ZNF777: variants seen among roughly 807,000 people sequenced by gnomAD.
The protein encoded by ZNF777 is zinc finger protein 777.
A neutral mutation model predicts 72.1 loss-of-function variants in ZNF777; 7 were observed. The ratio of observed to expected loss-of-function variants is 0.10; its 90% CI spans 0.06 to 0.18. ZNF777 has a LOEUF of 0.18. ZNF777 is among the 10% of genes least tolerant of loss of function. ZNF777 has a pLI of 1.00. For synonymous variants in ZNF777, 545 were observed against 483.5 expected (o/e 1.13, Z -1.67); for missense variants, 828 against 1,128.6 (o/e 0.73, Z 3.82).
chr7:149,450,529 T>C (rs1799693421), intron 4 of ZNF777, among the ~76,000 whole-genome samples: 1 of 152,210 alleles, frequency 6.6e-6, no homozygotes, highest in Admixed American at 6.5e-5. Flanking sequence ...CTGGTCAGTC[T>C]CGCTGGGTGC....
At chr7:149,433,069 C>T (rs1251266607) in intron 5 of ZNF777, 137 bp from the exon 6 acceptor site, 2 of 1,337,002 alleles carry the variant, frequency 1.5e-6, no homozygotes, top group South Asian at 1.8e-5. Flanking sequence ...GGGAAAAGTC[C>T]CCTCATTGCG....
At chr7:149,438,159 G>A (rs143299149) in intron 4 of ZNF777, among the ~76,000 whole-genome samples, 5,461 of 151,964 alleles carry the variant, frequency 0.036, 236 homozygotes, top group African/African-American at 0.096. Context: ...GATTACAGGC[G>A]TGAATTTTTT....
intron 3 of ZNF777, among the ~76,000 whole-genome samples, chr7:149,452,564 C>T (rs1376746345): frequency 6.8e-6 from 1 of 147,084 alleles, no homozygotes; most frequent in Admixed American, 6.8e-5. Flanking sequence ...ACCTGGGAGG[C>T]GGAGCTTGCA....
chr7:149,459,254 A>C (rs550610512), intron 1 of ZNF777, among the ~76,000 whole-genome samples: 76 of 152,198 alleles, frequency 5.0e-4, no homozygotes, highest in Non-Finnish European at 9.7e-4. Flanking sequence ...TAATCCTCTC[A>C]CTAGCACGGC....
rs1421672629 is a variant in ZNF777, at chr7:149,455,903, G to C, written c.120C>G (p.Pro40=). ...ETLFQSRVLP[P]KEIPSLSPTI... is the part of the protein sequence containing the mutation. ...TGGGAGACAAAGAAGGAATTTCTTTGGGAGGAAGAACGCGGGATTGGAACA... is the reference window on the plus strand; with the variant it reads ...TGGGAGACAAAGAAGGAATTTCTTTCGGAGGAAGAACGCGGGATTGGAACA... The change falls in exon 2 of 6, where the codon CCC becomes CCG. Residue 40 remains proline (P), a synonymous_variant. Coordinates refer to ENST00000247930, the MANE Select transcript of ZNF777 (RefSeq NM_015694.3). The surrounding 1 kb of genome is among the most constrained non-coding windows in gnomAD (Gnocchi z 4.2). 6.2e-7 allele frequency: 1 copy of C among 1,613,912 alleles called. No individual in the cohort carries two copies. Among genetic ancestry groups the C allele is most frequent in the Non-Finnish European group, 8.5e-7 (1 of 1,179,996 alleles).
At chr7:149,459,608 C>T (rs1799904950) in intron 1 of ZNF777, 1 of 982,246 alleles carries the variant, frequency 1.0e-6, no homozygotes, top group Admixed American at 6.2e-5. Context: ...GGCCCGCAGC[C>T]CTCTGGGCAG....
At chr7:149,437,393 G>C (rs148389908) in intron 4 of ZNF777, among the ~76,000 whole-genome samples, 532 of 152,272 alleles carry the variant, frequency 3.5e-3, no homozygotes, top group African/African-American at 0.012. Context: ...ATGAAGAAAA[G>C]GCTACCTCCT....
rs1351675498 is a variant in ZNF777, at chr7:149,448,510, T to TATATATATATATATATATAA, written c.1087+2488_1087+2489insTTATATATATATATATATAT. On this transcript the variant is annotated intron_variant, in intron 4 of 5. Transcript: ENST00000247930. Reference sequence around the variant, plus strand: ...CTATATATATATATATATATATATATAACTATATATAGTTATACATATAGT... The same window carrying TATATATATATATATATATAA: ...CTATATATATATATATATATATATATATATATATATATATATATAAAACTATATATAGTTATACATATAGT... Among the ~76,000 whole-genome samples, 195 of 122,288 alleles carry TATATATATATATATATATAA rather than the reference T, an allele frequency of 1.6e-3. 6 individuals are homozygous for TATATATATATATATATATAA. Among genetic ancestry groups the TATATATATATATATATATAA allele is most frequent in the African/African-American group, 4.3e-3 (113 of 26,326 alleles). 80.2% of individuals were successfully genotyped at this position (122,288 alleles called of 152,430 possible). A position where few individuals can be genotyped will look rare whatever the true frequency, so the allele number is the denominator to read the frequency against.
chr7:149,451,678 T>C (rs1009044540), intron 3 of ZNF777, among the ~76,000 whole-genome samples: 4 of 151,068 alleles, frequency 2.6e-5, no homozygotes, highest in Non-Finnish European at 5.9e-5. Context: ...GCAACAAGAG[T>C]GAAACTCCGT....
Position 149,432,279 on chromosome 7 carries a change from T to C in ZNF777, c.1993A>G (p.Thr665Ala). 1 of 1,599,280 alleles carries C rather than the reference T, an allele frequency of 6.3e-7. No individual in the cohort carries two copies. The highest frequency in any genetic ancestry group is 1.1e-5 in the South Asian group (1 of 90,182). ...QITHTGERPY[T>A]CPECKKSFRL... ...AAGCTCTTCTTGCACTCGGGGCACG[T>C]GTAGGGCCGCTCACCCGTGTGCGTG... The change falls in exon 6 of 6, where the codon ACG (threonine) becomes GCG (alanine). Residue 665 changes from threonine (T) to alanine (A), a missense_variant. Transcript: ENST00000247930.
intron 4 of ZNF777, among the ~76,000 whole-genome samples, chr7:149,448,457 G>A (rs557764999): frequency 7.8e-6 from 1 of 128,644 alleles, no homozygotes; most frequent in East Asian, 2.0e-4. Flanking sequence ...GCAACAAAGT[G>A]AGGCTCCATC....
At position 149,455,413 on chromosome 7, in the gene ZNF777, T is replaced by C; in HGVS notation, c.610A>G (p.Met204Val). ...CTGCCTTCCAGGGTCAGTAGCCTCA[T>C]GGCCTGGGCCTCCAGCTTCCTCTCC... ...AVERKLEAQA[M>V]RLLTLEGRTG... is the part of the protein sequence containing the mutation. The change falls in exon 2 of 6, where the codon ATG becomes GTG. Residue 204 changes from methionine (M) to valine (V), a missense_variant. By Grantham distance (21) the Met-to-Val change is conservative. Coordinates refer to ENST00000247930, the MANE Select transcript of ZNF777 (RefSeq NM_015694.3). This position sits in a 1 kb window ranked among gnomAD's most constrained non-coding sequence, Gnocchi z 4.2. 2 of 1,614,218 alleles carry C rather than the reference T, an allele frequency of 1.2e-6. No homozygotes were observed. Among genetic ancestry groups the C allele is most frequent in the South Asian group, 1.1e-5 (1 of 91,086 alleles).
At position 149,432,653 on chromosome 7, in the gene ZNF777, C is replaced by G. The variant is rs770572239; in HGVS notation, c.1619G>C (p.Arg540Pro). 5.6e-6 allele frequency: 9 copies of G among 1,613,582 alleles called. No individual in the cohort carries two copies. Among genetic ancestry groups the G allele is most frequent in the Non-Finnish European group, 7.6e-6 (9 of 1,179,772 alleles). ...GCATGTGAAGGGCCGCTCGCCGCGC[C>G]GGTTCCGCTGCTGCTGGCTCGAGGC... Reference protein sequence around the residue: ...RGASSQQQRNRRGERPFTCME... With the variant: ...RGASSQQQRNPRGERPFTCME... The change falls in exon 6 of 6, where the codon CGG becomes CCG. Residue 540 changes from arginine to proline, a missense_variant. Transcript: ENST00000247930.
chr7:149,443,677 G>A (rs898276718), intron 4 of ZNF777, among the ~76,000 whole-genome samples: 12 of 152,204 alleles, frequency 7.9e-5, no homozygotes, highest in Admixed American at 2.0e-4. Context: ...CCACCCCTTG[G>A]ATTCAAGTGA....
At chr7:149,434,312 C>T (rs1799375851) in intron 5 of ZNF777, among the ~76,000 whole-genome samples, 1 of 152,196 alleles carries the variant, frequency 6.6e-6, no homozygotes, top group Non-Finnish European at 1.5e-5. Context: ...GCCTCCTCTA[C>T]AGCCAGTGAA....
At chr7:149,448,772 C>T (rs1450082438) in intron 4 of ZNF777, among the ~76,000 whole-genome samples, 3 of 151,822 alleles carry the variant, frequency 2.0e-5, no homozygotes, top group African/African-American at 7.3e-5. Context: ...GAAGATGGTG[C>T]CTGGCTTCTC....
intron 1 of ZNF777, among the ~76,000 whole-genome samples, chr7:149,457,967 T>A (rs1196827205): frequency 6.6e-6 from 1 of 152,148 alleles, no homozygotes; most frequent in Admixed American, 6.6e-5. Context: ...GCCTTAACTG[T>A]CAACTGAGGC....
chr7:149,459,974 C>CG, intron 1 of ZNF777: 6 of 925,108 alleles, frequency 6.5e-6, no homozygotes, highest in South Asian at 5.0e-5. Context: ...ACGCGCGGGC[C>CG]CCCTCCAGGG....
chr7:149,455,800 G>A lies in ZNF777; in HGVS notation c.223C>T (p.Leu75Phe). The change falls in exon 2 of 6, where the codon CTC becomes TTC. Residue 75 changes from leucine to phenylalanine, a missense_variant. Physicochemically the swap from Leu to Phe is conservative, Grantham distance 22 (BLOSUM62 0). Coordinates refer to ENST00000247930, the MANE Select transcript of ZNF777 (RefSeq NM_015694.3). This position sits in a 1 kb window ranked among gnomAD's most constrained non-coding sequence, Gnocchi z 4.2. ...QETSGRMPHVLQKGPSLLCSA... is the reference protein window; with the variant it reads ...QETSGRMPHVFQKGPSLLCSA... ...CACAGGAGTGAGGGTCCCTTCTGGA[G>A]CACATGTGGCATCCGGCCAGAAGTC... 1 of 1,612,464 alleles carries A rather than the reference G, an allele frequency of 6.2e-7. No homozygotes were observed. Among genetic ancestry groups the A allele is most frequent in the Non-Finnish European group, 8.5e-7 (1 of 1,178,830 alleles).
Sources: gnomAD v4.1 joint callset for allele counts (sites outside exome capture counted in the v4.1 genomes callset) on GRCh38, gnomAD v4.1.1 for gene constraint, Gnocchi (gnomAD v3.1) non-coding constraint, MANE v1.5 for transcripts, NCBI Gene and HGNC (gene_info 2026-07-23, HGNC 2026-07-21) for gene names.